KCNH7: variants seen among roughly 807,000 people sequenced by gnomAD.
KCNH7 encodes the protein potassium voltage-gated channel subfamily H member 7.
KCNH7 carries 49 observed loss-of-function variants against 120.8 expected under a neutral mutation model. The observed-to-expected ratio is 0.41, with a 90% CI of 0.32 to 0.51. KCNH7 has a LOEUF of 0.51. KCNH7 is among the 20% of genes least tolerant of loss of function. The probability of loss-of-function intolerance (pLI) is 0.38; values close to 1 mark genes in which losing one functional copy is unlikely to be tolerated. For synonymous variants in KCNH7, 547 were observed against 516.1 expected, an observed-to-expected ratio of 1.06 and a Z score of -0.81; for missense variants, 1,097 against 1,446.6, an observed-to-expected ratio of 0.76 and a Z score of 3.92.
At chr2:162,454,240 T>G (rs1688882069) in intron 6 of KCNH7, among the ~76,000 whole-genome samples, 1 of 152,122 alleles carries the variant, frequency 6.6e-6, no homozygotes, top group Non-Finnish European at 1.5e-5. Flanking sequence ...TGGTCAGGTT[T>G]GTCGAATATC....
chr2:162,483,345 AGACTATTTCCTCCATCCACGGG>A (rs1689989886), intron 6 of KCNH7, among the ~76,000 whole-genome samples: 1 of 152,172 alleles, frequency 6.6e-6, no homozygotes, highest in Admixed American at 6.5e-5. Flanking sequence ...ATCAAGTTTC[AGACTATTTCCTCCATCCACGGG>A]ACATGTATTT....
chr2:162,685,344 TA>T (rs200035065), intron 2 of KCNH7, among the ~76,000 whole-genome samples: 4 of 151,042 alleles, frequency 2.6e-5, no homozygotes, highest in Non-Finnish European at 3.0e-5. Flanking sequence ...TAAAGTATAA[TA>T]AAAAAAAAGA....
chr2:162,814,706 C>T (rs920990504), intron 2 of KCNH7, among the ~76,000 whole-genome samples: 2 of 152,250 alleles, frequency 1.3e-5, no homozygotes, highest in African/African-American at 2.4e-5. Context: ...TTCTTCACAC[C>T]GAAGAACTCA....
At position 162,379,951 on chromosome 2, in the gene KCNH7, T is replaced by A. The variant is rs1353666332; in HGVS notation, c.3033A>T (p.Ala1011=). 6.2e-7 allele frequency: 1 copy of A among 1,613,948 alleles called. No individual in the cohort carries two copies. The highest frequency in any genetic ancestry group is 8.5e-7 in the Non-Finnish European group (1 of 1,179,980). The change falls in exon 14 of 16, where the codon GCA becomes GCT. Residue 1011 remains alanine (A), a synonymous_variant. Transcript: ENST00000332142. ...AGATACCCCAGGCAGCTCGCTGAAG[T>A]GCAGATGGACTGGAGTCTTCAGGCT... is the stretch of plus-strand genomic sequence containing the variant. ...HPQPEDSSPS[A]LQRAAWGISE...
chr2:162,625,650 C>T (rs1177988029), intron 2 of KCNH7, among the ~76,000 whole-genome samples: 1 of 152,108 alleles, frequency 6.6e-6, no homozygotes, highest in African/African-American at 2.4e-5. Context: ...ACAACTCCAC[C>T]TCACCTCACA....
chr2:162,560,325 T>C (rs1693016014), intron 2 of KCNH7, among the ~76,000 whole-genome samples: 1 of 152,232 alleles, frequency 6.6e-6, no homozygotes, highest in African/African-American at 2.4e-5. Context: ...AAGCTCTTCT[T>C]ACCTCCTGGC....
At chr2:162,402,537 T>A (rs1558927537) in intron 9 of KCNH7, among the ~76,000 whole-genome samples, 1 of 151,348 alleles carries the variant, frequency 6.6e-6, no homozygotes. Flanking sequence ...GGTCTCTGAA[T>A]AATTCTAAGT....
intron 2 of KCNH7, among the ~76,000 whole-genome samples, chr2:162,610,053 A>T (rs546823732): frequency 1.5e-4 from 23 of 152,362 alleles, no homozygotes; most frequent in African/African-American, 5.3e-4. Context: ...GCACTTTTAC[A>T]TAACACAGCT....
At chr2:162,500,488 C>G (rs1316864391) in intron 6 of KCNH7, among the ~76,000 whole-genome samples, 1 of 151,560 alleles carries the variant, frequency 6.6e-6, no homozygotes, top group Non-Finnish European at 1.5e-5. Context: ...GAAGATGACT[C>G]TAACTGAGGA....
At chr2:162,585,209 G>C (rs1026002903) in intron 2 of KCNH7, among the ~76,000 whole-genome samples, 1 of 152,048 alleles carries the variant, frequency 6.6e-6, no homozygotes, top group Non-Finnish European at 1.5e-5. Context: ...ATTTGGAAAC[G>C]TAAATAGGAC....
chr2:162,661,151 G>A (rs1281630271), intron 2 of KCNH7, among the ~76,000 whole-genome samples: 8 of 152,140 alleles, frequency 5.3e-5, no homozygotes, highest in East Asian at 1.9e-4. Flanking sequence ...TGCCCTAACC[G>A]TACAGTGTTA....
chr2:162,441,999 C>CTTTT (rs779418084), intron 7 of KCNH7, among the ~76,000 whole-genome samples: 2,453 of 41,488 alleles, frequency 0.059, 992 homozygotes, highest in Middle Eastern at 0.1. Context: ...GTTAGGTCTT[C>CTTTT]TTTTTTTTTT....
intron 3 of KCNH7, among the ~76,000 whole-genome samples, chr2:162,524,404 T>C (rs1691631742): frequency 6.6e-6 from 1 of 151,982 alleles, no homozygotes; most frequent in Admixed American, 6.6e-5. Context: ...GCAGTGTACC[T>C]GGAACAGCTG....
intron 2 of KCNH7, among the ~76,000 whole-genome samples, chr2:162,587,997 A>G (rs1694073962): frequency 6.6e-6 from 1 of 152,138 alleles, no homozygotes; most frequent in Non-Finnish European, 1.5e-5. Context: ...TGCTGCCAAG[A>G]AATGAAAGCC....
intron 2 of KCNH7, among the ~76,000 whole-genome samples, chr2:162,711,677 A>C (rs1383466700): frequency 6.6e-6 from 1 of 152,182 alleles, no homozygotes; most frequent in African/African-American, 2.4e-5. Context: ...AAAAGTTGGA[A>C]AGGGTAAAAT....
chr2:162,539,674 T>C lies in KCNH7; in HGVS notation c.308-2594A>G, dbSNP rs146652775. On this transcript the variant is annotated intron_variant, in intron 2 of 15. Coordinates refer to ENST00000332142, the MANE Select transcript of KCNH7 (RefSeq NM_033272.4). ...CTATCTGCATTGGCTCTAAAGCATATTAAATAAATGTAATTAATCTGGGAT... is the reference window on the plus strand; with the variant it reads ...CTATCTGCATTGGCTCTAAAGCATACTAAATAAATGTAATTAATCTGGGAT... 1.4e-4 allele frequency among the ~76,000 whole-genome samples: 21 copies of C among 152,242 alleles called. No individual in the cohort carries two copies. The East Asian group carries it at 4.1e-3, about 30-fold the overall frequency.
At chr2:162,746,689 C>T (rs1688327435) in intron 2 of KCNH7, among the ~76,000 whole-genome samples, 1 of 152,024 alleles carries the variant, frequency 6.6e-6, no homozygotes, top group South Asian at 2.1e-4. Flanking sequence ...GATAAAATAT[C>T]AATAAATTTA....
rs189177692 is a variant in KCNH7 at position 162,800,719 on chromosome 2, T to C, written c.307+35818A>G. Among the ~76,000 whole-genome samples the C allele has an allele frequency of 1.6e-4, 24 of 152,090 alleles. No individual in the cohort carries two copies. The East Asian group carries it at 4.6e-3, about 29-fold the overall frequency. On this transcript the variant is annotated intron_variant, in intron 2 of 15. Coordinates refer to ENST00000332142, the MANE Select transcript of KCNH7 (RefSeq NM_033272.4). ...AACTTGTATGGCTTTTATTATTCCT[T>C]GTGCTTTGAATGCTAAAACACAATG...
At chr2:162,770,501 C>T (rs568214177) in intron 2 of KCNH7, among the ~76,000 whole-genome samples, 4 of 151,874 alleles carry the variant, frequency 2.6e-5, no homozygotes, top group Non-Finnish European at 4.4e-5. Context: ...TTGGGTCAAA[C>T]GTCTAACCTC....
Sources: allele counts gnomAD v4.1 joint callset (sites outside exome capture counted in the v4.1 genomes callset), GRCh38; gene constraint gnomAD v4.1.1; transcripts MANE v1.5; gene names NCBI Gene and HGNC (gene_info 2026-07-23, HGNC 2026-07-21).